CSMD1: variants seen among roughly 807,000 people sequenced by gnomAD.
The protein encoded by CSMD1 is CUB and sushi domain-containing protein 1.
A neutral mutation model predicts 417.5 loss-of-function variants in CSMD1; 213 were observed. That is an observed-to-expected ratio of 0.51 (90% CI 0.46 to 0.57). The LOEUF (loss-of-function observed/expected upper bound fraction) is 0.57. Ranked by LOEUF, CSMD1 falls within the 20% of genes least tolerant of loss-of-function variation. The pLI is 0.00. For synonymous variants in CSMD1, 2,862 were observed against 1,736.8 expected (o/e 1.65, Z -16.11); for missense variants, 6,923 against 4,529.7 (o/e 1.53, Z -15.17).
At chr8:4,920,124 A>T (rs927515626) in intron 1 of CSMD1, among the ~76,000 whole-genome samples, 11 of 152,232 alleles carry the variant, frequency 7.2e-5, no homozygotes, top group Non-Finnish European at 1.6e-4. Flanking sequence ...GTAGGTTATC[A>T]TGAAAATTCC....
intron 2 of CSMD1, among the ~76,000 whole-genome samples, chr8:4,590,830 G>C (rs1216977802): frequency 1.3e-5 from 2 of 152,116 alleles, no homozygotes; most frequent in African/African-American, 4.8e-5. Context: ...TTAATAAAAG[G>C]ATATGGGACA....
chr8:4,739,747 C>G (rs1314216830), intron 1 of CSMD1, among the ~76,000 whole-genome samples: 1 of 152,068 alleles, frequency 6.6e-6, no homozygotes, highest in East Asian at 1.9e-4. Context: ...GCTCCCTATC[C>G]CTTCCCACAA....
chr8:3,521,306 T>C (rs1287137128), intron 10 of CSMD1, among the ~76,000 whole-genome samples: 2 of 152,168 alleles, frequency 1.3e-5, no homozygotes, highest in African/African-American at 2.4e-5. Context: ...TGACTTACTC[T>C]CTCTCAAATT....
chr8:4,509,821 T>C (rs1802719155), intron 2 of CSMD1, among the ~76,000 whole-genome samples: 1 of 152,176 alleles, frequency 6.6e-6, no homozygotes, highest in Non-Finnish European at 1.5e-5. Flanking sequence ...ACTGAAGCAT[T>C]GGGATGTTAA....
intron 10 of CSMD1, among the ~76,000 whole-genome samples, chr8:3,550,220 T>A (rs1390855784): frequency 6.6e-6 from 1 of 152,158 alleles, no homozygotes; most frequent in Non-Finnish European, 1.5e-5. Context: ...CATTCCAATG[T>A]CTCTTCCTTT....
intron 2 of CSMD1, among the ~76,000 whole-genome samples, chr8:4,474,056 A>G (rs977935356): frequency 2.0e-5 from 3 of 152,202 alleles, no homozygotes; most frequent in African/African-American, 4.8e-5. Flanking sequence ...AAAAGCAAAT[A>G]TATGCAAACG....
At chr8:2,977,533 G>C (rs866846205) in intron 55 of CSMD1, among the ~76,000 whole-genome samples, 7 of 152,132 alleles carry the variant, frequency 4.6e-5, no homozygotes, top group East Asian at 3.9e-4. Flanking sequence ...TCCATGTGTG[G>C]TTATTGTGAA....
intron 33 of CSMD1, among the ~76,000 whole-genome samples, chr8:3,199,363 C>T (rs1467864911): frequency 2.0e-5 from 3 of 151,742 alleles, no homozygotes; most frequent in East Asian, 1.9e-4. Context: ...TATATTGTTA[C>T]TAAGATCTCA....
At chr8:4,859,759 A>G (rs973702058) in intron 1 of CSMD1, among the ~76,000 whole-genome samples, 1 of 152,020 alleles carries the variant, frequency 6.6e-6, no homozygotes, top group African/African-American at 2.4e-5. Flanking sequence ...GTCAGGAAAC[A>G]ACAGGTGCTG....
chr8:3,556,353 G>A (rs1216488769), intron 10 of CSMD1, among the ~76,000 whole-genome samples: 2 of 130,312 alleles, frequency 1.5e-5, no homozygotes, highest in Non-Finnish European at 3.3e-5. Flanking sequence ...GATTTTATTA[G>A]CTATCTACCC....
At chr8:4,715,015 T>C (rs1808559894) in intron 1 of CSMD1, among the ~76,000 whole-genome samples, 1 of 152,214 alleles carries the variant, frequency 6.6e-6, no homozygotes, top group Admixed American at 6.5e-5. Flanking sequence ...TTTCATATCA[T>C]TTTAACATTT....
chr8:3,119,863 A>G (rs902356579), intron 41 of CSMD1, among the ~76,000 whole-genome samples: 2 of 152,196 alleles, frequency 1.3e-5, no homozygotes, highest in African/African-American at 4.8e-5. Context: ...AGCGCCAGGC[A>G]ACACAATGAG....
intron 36 of CSMD1, among the ~76,000 whole-genome samples, chr8:3,183,888 G>A (rs1310254611): frequency 1.3e-5 from 2 of 152,180 alleles, no homozygotes; most frequent in African/African-American, 2.4e-5. Context: ...GCAGCCTTAT[G>A]TTAACCAGAA....
At chr8:4,159,606 T>A (rs1304809056) in intron 3 of CSMD1, among the ~76,000 whole-genome samples, 2 of 152,180 alleles carry the variant, frequency 1.3e-5, no homozygotes, top group African/African-American at 4.8e-5. Context: ...ATTATTATTG[T>A]GAGACAGAGT....
chr8:4,188,551 G>A (rs78590223), intron 3 of CSMD1, among the ~76,000 whole-genome samples: 25,024 of 152,030 alleles, frequency 0.16, 2,198 homozygotes, highest in East Asian at 0.29. Flanking sequence ...AGGAATTCAG[G>A]CAGTATGAGG....
chr8:3,307,278 G>GC lies in CSMD1; in HGVS notation c.3950+416dup, dbSNP rs562815165. 1.3e-3 allele frequency among the ~76,000 whole-genome samples: 195 copies of GC among 151,980 alleles called. 1 individual carries two copies. Among genetic ancestry groups the GC allele is most frequent in the African/African-American group, 4.5e-3 (185 of 41,470 alleles). ...TGACTAGCCTGCTGCAGGAACAGAA[G>GC]CCTGGTGTGCAGGGGCTCCTGCTTT... is the stretch of plus-strand genomic sequence containing the variant. On this transcript the variant is annotated intron_variant, in intron 25 of 69. Coordinates refer to ENST00000635120, the MANE Select transcript of CSMD1 (RefSeq NM_033225.6).
At chr8:4,577,341 G>C (rs975920825) in intron 2 of CSMD1, among the ~76,000 whole-genome samples, 3 of 152,090 alleles carry the variant, frequency 2.0e-5, no homozygotes, top group African/African-American at 7.2e-5. Context: ...AAAATATTTA[G>C]GAGAGCTTAT....
At chr8:3,598,572 G>T (rs1378971635) in intron 8 of CSMD1, among the ~76,000 whole-genome samples, 1 of 152,122 alleles carries the variant, frequency 6.6e-6, no homozygotes, top group African/African-American at 2.4e-5. Flanking sequence ...TACAACAGAG[G>T]AGGACTTTTC....
chr8:4,286,066 G>A (rs1271506877), intron 3 of CSMD1, among the ~76,000 whole-genome samples: 5 of 152,062 alleles, frequency 3.3e-5, no homozygotes, highest in Non-Finnish European at 2.9e-5. Context: ...CCCTAAGTCC[G>A]AAATACAGCT....
Sources: gnomAD v4.1 joint callset for allele counts (sites outside exome capture counted in the v4.1 genomes callset) on GRCh38, gnomAD v4.1.1 for gene constraint, MANE v1.5 for transcripts, NCBI Gene and HGNC (gene_info 2026-07-23, HGNC 2026-07-21) for gene names.